The following PRC1 variants were observed in gnomAD, a reference collection of about 807,000 sequenced individuals.
PRC1 encodes the protein anaphase spindle elongation 1 homolog.
In PRC1, 54 loss-of-function variants were observed where a neutral mutation model predicts 91.2. The ratio of observed to expected loss-of-function variants is 0.59; its 90% CI spans 0.48 to 0.74. The LOEUF (loss-of-function observed/expected upper bound fraction) is 0.74, where lower values mean the gene tolerates loss of function less well. Ranked by LOEUF, PRC1 falls within the 30% of genes least tolerant of loss-of-function variation. The pLI, the probability that PRC1 is intolerant of heterozygous loss-of-function variation, is 0.00. For missense variants in PRC1, 727 were observed against 746.2 expected (o/e 0.97, Z 0.30); for synonymous variants, 275 against 263.6 (o/e 1.04, Z -0.42).
intron 11 of PRC1, among the ~76,000 whole-genome samples, chr15:90,973,691 GCT>G (rs1596290816): frequency 2.6e-5 from 4 of 152,272 alleles, no homozygotes; most frequent in Admixed American, 6.5e-5. Flanking sequence ...CGGCAATGCT[GCT>G]CTGTTACTCT....
chr15:90,979,332 C>T lies in PRC1; in HGVS notation c.971-38G>A, dbSNP rs768647074. ...GGCCCAGTAGTTTAAAACAATTCCT[C>T]TAGTATTTAGTATCCAATTTTACGA... On this transcript the variant is annotated intron_variant, in intron 7 of 14. Transcript: ENST00000394249. 18 of 1,582,352 alleles carry T rather than the reference C, an allele frequency of 1.1e-5. No homozygotes were observed. The South Asian group carries it at 1.9e-4, about 17-fold the overall frequency.
intron 5 of PRC1, 95 bp from the exon 6 acceptor site, chr15:90,981,128 G>A: frequency 6.6e-7 from 1 of 1,516,180 alleles, no homozygotes; most frequent in Non-Finnish European, 8.9e-7. Context: ...AGTAGAGGAG[G>A]AGGCACTTTC....
chr15:90,994,471 C>A lies in PRC1; in HGVS notation c.-54G>T. The A allele has an allele frequency of 6.3e-7, 1 of 1,590,330 alleles. No individual in the cohort carries two copies. The highest frequency in any genetic ancestry group is 8.6e-7 in the Non-Finnish European group (1 of 1,167,206). On this transcript the variant is annotated 5_prime_UTR_variant, in exon 1 of 15. Transcript: ENST00000394249. The stretch of plus-strand genomic sequence containing the variant: ...AGGTCCAGACCTACTCCACACGGCC[C>A]CGAGAGCAACAACCACCCGCAAACA...
intron 3 of PRC1, among the ~76,000 whole-genome samples, chr15:90,982,916 G>T (rs1274609168): frequency 6.6e-6 from 1 of 150,570 alleles, no homozygotes; most frequent in Non-Finnish European, 1.5e-5. Flanking sequence ...CTCCTAACTG[G>T]TTAACAAGAA....
chr15:90,979,207 T>C lies in PRC1; in HGVS notation c.1058A>G (p.Glu353Gly). Residue 353 changes from glutamate to glycine, a missense_variant, in exon 8 of 15, where the codon GAA (glutamate) becomes GGA (glycine). Transcript: ENST00000394249. The stretch of plus-strand genomic sequence containing the variant: ...GGTTTCTTCCCACTTCTGGACACCT[T>C]CAAAGAGTTCCTTGTGAACTTCATA... ...NYYEVHKELF[E>G]GVQKWEETWR... 6.2e-7 allele frequency: 1 copy of C among 1,614,214 alleles called. No individual in the cohort carries two copies. The highest frequency in any genetic ancestry group is 1.3e-5 in the African/African-American group (1 of 75,072).
chr15:90,993,667 C>T, intron 1 of PRC1, among the ~76,000 whole-genome samples: 1 of 152,244 alleles, frequency 6.6e-6, no homozygotes, highest in East Asian at 1.9e-4. Context: ...CCCTCCCCAA[C>T]ACCGCCTAGG....
intron 1 of PRC1, among the ~76,000 whole-genome samples, chr15:90,992,126 T>C (rs1443277149): frequency 6.6e-6 from 1 of 152,170 alleles, no homozygotes; most frequent in Non-Finnish European, 1.5e-5. Flanking sequence ...TTTTCCTTCT[T>C]AGGTCTTTGC....
intron 1 of PRC1, among the ~76,000 whole-genome samples, chr15:90,986,250 A>G (rs1449953093): frequency 6.6e-6 from 1 of 152,254 alleles, no homozygotes; most frequent in African/African-American, 2.4e-5. Context: ...AGCACTACTC[A>G]TAATAGCAGG....
At position 90,969,446 on chromosome 15, in the gene PRC1, C is replaced by A; in HGVS notation, c.1749+1G>T. 6.3e-7 allele frequency: 1 copy of A among 1,591,242 alleles called. No homozygotes were observed. Among genetic ancestry groups the A allele is most frequent in the South Asian group, 1.1e-5 (1 of 88,178 alleles). On this transcript the variant is annotated splice_donor_variant, in intron 13 of 14. Transcript: ENST00000394249. LOFTEE classifies it high-confidence loss of function. ...GGTAGATATTAGAAAAGGTGAATTA[C>A]CGCAAACTCAGAATAGGTGCTGGCA...
rs917550596 is a variant in PRC1, at chr15:90,984,413, G to C, written c.145-273C>G. 4.6e-5 allele frequency among the ~76,000 whole-genome samples: 7 copies of C among 152,016 alleles called. No individual in the cohort carries two copies. Among genetic ancestry groups the C allele is most frequent in the African/African-American group, 1.5e-4 (6 of 41,364 alleles). On this transcript the variant is annotated intron_variant, in intron 2 of 14. Transcript: ENST00000394249. This position sits in a 1 kb window ranked among gnomAD's most constrained non-coding sequence, Gnocchi z 5.1. ...CCGGCTAATTTTTTTATTTTTAGTA[G>C]AGACGGAGGTTCACCATGTTGATCA...
intron 5 of PRC1, 73 bp downstream of exon 5, chr15:90,981,426 G>A: frequency 1.3e-6 from 2 of 1,516,176 alleles, no homozygotes; most frequent in Middle Eastern, 1.7e-4. Flanking sequence ...TAAGACTGAA[G>A]AAACAGCTGT....
chr15:90,979,012 C>T (rs930052566), intron 8 of PRC1, 146 bp downstream of exon 8: 1 of 1,051,928 alleles, frequency 9.5e-7, no homozygotes, highest in Non-Finnish European at 1.3e-6. Flanking sequence ...ATAAGCTTAT[C>T]AAACAGAGGC....
chr15:90,971,052 G>A (rs552076285), intron 11 of PRC1, among the ~76,000 whole-genome samples: 38 of 152,276 alleles, frequency 2.5e-4, no homozygotes, highest in Non-Finnish European at 4.7e-4. Context: ...TATGTACTGC[G>A]GGATTCTATG....
chr15:90,966,066 T>TTAA lies in PRC1; in HGVS notation c.*1064_*1065insTTA. On this transcript the variant is annotated 3_prime_UTR_variant, in exon 15 of 15. Coordinates refer to ENST00000394249, the MANE Select transcript of PRC1 (RefSeq NM_003981.4). Reference sequence around the variant, plus strand: ...TTTTGAAATGTAAGTATACAGATTTTAATTTATTTTTAAGAATAATTGTAT... The same window carrying TTAA: ...TTTTGAAATGTAAGTATACAGATTTTTAAAATTTATTTTTAAGAATAATTGTAT... The TTAA allele has an allele frequency of 6.6e-6, 1 of 152,214 alleles. No individual in the cohort carries two copies. The highest frequency in any genetic ancestry group is 1.5e-5 in the Non-Finnish European group (1 of 68,068). The allele number at this position is 152,214 out of a possible 1,614,324, so 9.4% of individuals were successfully genotyped here.
At chr15:90,986,823 C>T (rs932669183) in intron 1 of PRC1, among the ~76,000 whole-genome samples, 2 of 151,060 alleles carry the variant, frequency 1.3e-5, no homozygotes, top group South Asian at 2.1e-4. Flanking sequence ...TGAATTATAC[C>T]TCAAATCTTT....
At chr15:90,982,032 G>A in intron 3 of PRC1, 51 bp from the exon 4 acceptor site, 2 of 1,536,874 alleles carry the variant, frequency 1.3e-6, no homozygotes, top group Non-Finnish European at 1.8e-6. Context: ...AATTCCTTCA[G>A]AGGAAGAGAA....
chr15:90,971,011 C>A (rs2038074434), intron 11 of PRC1, among the ~76,000 whole-genome samples: 1 of 152,178 alleles, frequency 6.6e-6, no homozygotes, highest in South Asian at 2.1e-4. Context: ...GATGAATCTA[C>A]ACTAAATGAA....
chr15:90,970,018 T>C (rs2037967218), intron 12 of PRC1, among the ~76,000 whole-genome samples: 1 of 152,162 alleles, frequency 6.6e-6, no homozygotes, highest in Non-Finnish European at 1.5e-5. Flanking sequence ...TTTTGCCACA[T>C]ACTTTCCACA....
intron 1 of PRC1, among the ~76,000 whole-genome samples, chr15:90,993,840 T>C (rs12101952): frequency 0.068 from 10,352 of 152,210 alleles, 518 homozygotes; most frequent in African/African-American, 0.13. Context: ...CCCAACACTT[T>C]GGGAGGCCGA....
Sources: gnomAD v4.1 joint callset for allele counts (sites outside exome capture counted in the v4.1 genomes callset) on GRCh38, gnomAD v4.1.1 for gene constraint, Gnocchi (gnomAD v3.1) non-coding constraint, MANE v1.5 for transcripts, NCBI Gene and HGNC (gene_info 2026-07-23, HGNC 2026-07-21) for gene names.